Variants in TBC1D4 observed in about 807,000 individuals in gnomAD.
The protein encoded by TBC1D4 is TBC1 domain family member 4.
A neutral mutation model predicts 142.5 loss-of-function variants in TBC1D4; 121 were observed. The ratio of observed to expected loss-of-function variants is 0.85; its 90% CI spans 0.73 to 0.99. The LOEUF (loss-of-function observed/expected upper bound fraction) is 0.99, where lower values mean the gene tolerates loss of function less well. Ranked by LOEUF, TBC1D4 falls within the 50% of genes least tolerant of loss-of-function variation. TBC1D4 has a pLI of 0.00. For synonymous variants in TBC1D4, 630 were observed against 628.2 expected, an observed-to-expected ratio of 1.00 and a Z score of -0.04; for missense variants, 1,475 against 1,606.6, an observed-to-expected ratio of 0.92 and a Z score of 1.40.
rs750734086 is a variant in TBC1D4 at position 75,379,887 on chromosome 13, C to CT, written c.499-17281dup. Among the ~76,000 whole-genome samples, 15 of 98,606 alleles carry CT rather than the reference C, an allele frequency of 1.5e-4. 1 individual carries two copies. The highest frequency in any genetic ancestry group is 4.9e-4 in the African/African-American group (14 of 28,666). 64.7% of individuals were successfully genotyped at this position (98,606 alleles called of 152,430 possible). The stretch of plus-strand genomic sequence containing the variant: ...GTATATCAGTTTTGTTCATCTGACT[C>CT]TTTTTTTTTTTTTTTTTTTTTTTTT... On this transcript the variant is annotated intron_variant, in intron 1 of 20. Transcript: ENST00000377636.
chr13:75,326,919 GTC>G (rs1310943274), intron 9 of TBC1D4, among the ~76,000 whole-genome samples: 1 of 152,180 alleles, frequency 6.6e-6, no homozygotes, highest in Non-Finnish European at 1.5e-5. Context: ...AAGTGTCCAA[GTC>G]TCATGGCAAA....
chr13:75,391,908 C>T (rs564654121), intron 1 of TBC1D4, among the ~76,000 whole-genome samples: 5 of 152,290 alleles, frequency 3.3e-5, no homozygotes, highest in African/African-American at 9.6e-5. Context: ...CACCTGTTGT[C>T]TTTCCAGTGA....
At chr13:75,407,680 T>C (rs1885408501) in intron 1 of TBC1D4, among the ~76,000 whole-genome samples, 1 of 152,076 alleles carries the variant, frequency 6.6e-6, no homozygotes, top group Non-Finnish European at 1.5e-5. Context: ...CAGGTACTCA[T>C]TGTCAATCAT....
intron 1 of TBC1D4, among the ~76,000 whole-genome samples, chr13:75,469,859 T>G (rs1168155337): frequency 1.3e-5 from 2 of 152,148 alleles, no homozygotes; most frequent in Non-Finnish European, 2.9e-5. Context: ...AAAGTAGGAT[T>G]CAAATATAAT....
intron 1 of TBC1D4, among the ~76,000 whole-genome samples, chr13:75,440,565 A>T (rs1886995978): frequency 6.6e-6 from 1 of 151,868 alleles, no homozygotes; most frequent in Non-Finnish European, 1.5e-5. Context: ...TTTAAAAAAA[A>T]AATTATAGAG....
rs180893780 is a variant in TBC1D4 at position 75,304,594 on chromosome 13, G to A, written c.2752+1719C>T. Among the ~76,000 whole-genome samples the A allele has an allele frequency of 1.9e-3, 286 of 152,272 alleles. 1 individual carries two copies. The highest frequency in any genetic ancestry group is 4.5e-3 in the Admixed American group (69 of 15,296). On this transcript the variant is annotated intron_variant, in intron 15 of 20. Transcript: ENST00000377636. ...TACAATGAACTGATTTTGGTCGGGG[G>A]GCAGGGGTGGTGCTCTGAGGAAATG...
intron 1 of TBC1D4, among the ~76,000 whole-genome samples, chr13:75,478,646 T>C (rs1040338468): frequency 6.6e-6 from 1 of 152,210 alleles, no homozygotes; most frequent in Non-Finnish European, 1.5e-5. Context: ...CAGCCAACTC[T>C]GCATGAAGCA....
chr13:75,304,498 C>G (rs1313047964), intron 15 of TBC1D4, among the ~76,000 whole-genome samples: 1 of 151,956 alleles, frequency 6.6e-6, no homozygotes, highest in African/African-American at 2.4e-5. Context: ...AAACATTAAA[C>G]AAATACACAC....
chr13:75,413,622 G>GGACC (rs1397738828), intron 1 of TBC1D4, among the ~76,000 whole-genome samples: 1 of 152,080 alleles, frequency 6.6e-6, no homozygotes, highest in Non-Finnish European at 1.5e-5. Flanking sequence ...GATAAACCTA[G>GGACC]GACCACACCT....
At chr13:75,324,140 TA>T in intron 11 of TBC1D4, 96 bp downstream of exon 11, 1 of 1,404,316 alleles carries the variant, frequency 7.1e-7, no homozygotes, top group Non-Finnish European at 1.0e-6. Context: ...CAGGGATGCA[TA>T]AATGTCACTC....
chr13:75,362,169 G>A lies in TBC1D4; in HGVS notation c.937C>T (p.Arg313Trp), dbSNP rs1037308826. The A allele has an allele frequency of 2.5e-6, 4 of 1,613,494 alleles. No homozygotes were observed. The highest frequency in any genetic ancestry group is 1.1e-5 in the South Asian group (1 of 91,064). The change falls in exon 2 of 21, where the codon CGG becomes TGG. Residue 313 changes from arginine (R) to tryptophan (W), a missense_variant. Arg to Trp is a moderately radical substitution (Grantham distance 101). Coordinates refer to ENST00000377636, the MANE Select transcript of TBC1D4 (RefSeq NM_014832.5). The surrounding 1 kb of genome is among the most constrained non-coding windows in gnomAD (Gnocchi z 4.2). ...DSGFDEQQEF[R>W]SRCSSVTGVQ... ...CCGGTGACACTGCTGCACCGAGACC[G>A]AAACTCCTGCTGCTCATCAAAGCCA...
chr13:75,413,110 G>A (rs1055220725), intron 1 of TBC1D4, among the ~76,000 whole-genome samples: 1 of 152,146 alleles, frequency 6.6e-6, no homozygotes, highest in Non-Finnish European at 1.5e-5. Context: ...CACATAAAGG[G>A]GAGGAAGATC....
rs114908417 is a variant in TBC1D4 at position 75,351,150 on chromosome 13, T to C, written c.1276-1848A>G. On this transcript the variant is annotated intron_variant, in intron 4 of 20. Transcript: ENST00000377636. Reference sequence around the variant, plus strand: ...CAAATTAAATTTCCAGCAAAAAACATAAGATAGGACAAAGCCCAATTTACA... The same window carrying C: ...CAAATTAAATTTCCAGCAAAAAACACAAGATAGGACAAAGCCCAATTTACA... 3.2e-3 allele frequency among the ~76,000 whole-genome samples: 490 copies of C among 152,242 alleles called. 2 individuals carry two copies. The highest frequency in any genetic ancestry group is 0.012 in the African/African-American group (480 of 41,578).
intron 1 of TBC1D4, among the ~76,000 whole-genome samples, chr13:75,405,398 T>C (rs576127198): frequency 1.1e-4 from 17 of 151,482 alleles, no homozygotes; most frequent in Non-Finnish European, 1.6e-4. Context: ...GCCTCCCGAG[T>C]AGCTGGGACT....
At chr13:75,428,497 G>A (rs1034796526) in intron 1 of TBC1D4, among the ~76,000 whole-genome samples, 1 of 151,978 alleles carries the variant, frequency 6.6e-6, no homozygotes, top group Admixed American at 6.6e-5. Flanking sequence ...GATTTTTCCA[G>A]AAAAATGAAC....
intron 1 of TBC1D4, among the ~76,000 whole-genome samples, chr13:75,392,917 G>C (rs1172483753): frequency 6.6e-6 from 1 of 152,090 alleles, no homozygotes; most frequent in Non-Finnish European, 1.5e-5. Context: ...TGGAATTACA[G>C]GAGTGAGCCA....
At chr13:75,389,626 A>T (rs1884362374) in intron 1 of TBC1D4, among the ~76,000 whole-genome samples, 1 of 151,734 alleles carries the variant, frequency 6.6e-6, no homozygotes, top group Non-Finnish European at 1.5e-5. Context: ...AAATAAATAA[A>T]ATAGAAGAAA....
chr13:75,286,999 C>T lies in TBC1D4; in HGVS notation c.3690G>A (p.Leu1230=). Residue 1230 remains leucine, a synonymous_variant, in exon 21 of 21, where the codon TTG becomes TTA. Transcript: ENST00000377636. ...LQVAHTKIQA[L]ESNLENLLTR... ...TCAAAAGATTTTCCAGGTTTGATTC[C>T]AAGGCCTGGATTTTAGTATGAGCTA... 6.2e-7 allele frequency: 1 copy of T among 1,613,166 alleles called. No homozygotes were observed.
At chr13:75,381,062 C>T (rs1883819664) in intron 1 of TBC1D4, among the ~76,000 whole-genome samples, 1 of 152,152 alleles carries the variant, frequency 6.6e-6, no homozygotes. Flanking sequence ...TACCTGTAAC[C>T]TATAAAAACT....
Sources: allele counts gnomAD v4.1 joint callset (sites outside exome capture counted in the v4.1 genomes callset), GRCh38; gene constraint gnomAD v4.1.1; non-coding constraint Gnocchi (gnomAD v3.1); transcripts MANE v1.5; gene names NCBI Gene and HGNC (gene_info 2026-07-23, HGNC 2026-07-21).